The following CNTLN variants were observed in gnomAD, a reference collection of about 807,000 sequenced individuals.
CNTLN encodes centlein, also known as centlein, centrosomal protein.
In CNTLN, 212 loss-of-function variants were observed where a neutral mutation model predicts 180.0. The observed-to-expected ratio is 1.18, with a 90% confidence interval of 1.05 to 1.32. The LOEUF (loss-of-function observed/expected upper bound fraction) is 1.32. Among genes scored for constraint, CNTLN ranks in the 40% most tolerant of loss-of-function variants. The pLI, the probability that CNTLN is intolerant of heterozygous loss-of-function variation, is 0.00. For missense variants in CNTLN, 2,095 were observed against 1,610.9 expected, an observed-to-expected ratio of 1.30 and a Z score of -5.14; for synonymous variants, 722 against 563.1, an observed-to-expected ratio of 1.28 and a Z score of -3.99.
chr9:17,456,804 A>T (rs1831148400), intron 18 of CNTLN, among the ~76,000 whole-genome samples: 1 of 152,138 alleles, frequency 6.6e-6, no homozygotes, highest in Non-Finnish European at 1.5e-5. Flanking sequence ...TCTGCTCACT[A>T]TAGATGGGTG....
intron 2 of CNTLN, among the ~76,000 whole-genome samples, chr9:17,219,393 T>TA (rs1823983442): frequency 6.6e-6 from 1 of 152,094 alleles, no homozygotes; most frequent in African/African-American, 2.4e-5. Flanking sequence ...GTATTCCTGT[T>TA]ACAGCACCAT....
chr9:17,500,894 A>G (rs1259933691), intron 25 of CNTLN, among the ~76,000 whole-genome samples: 1 of 152,224 alleles, frequency 6.6e-6, no homozygotes, highest in Non-Finnish European at 1.5e-5. Flanking sequence ...TTTTATTTGT[A>G]AAACTGGCAT....
Position 17,484,379 on chromosome 9 carries a change from G to T in CNTLN, c.3940G>T (p.Ala1314Ser). ...ELKKMKKNRD[A>S]CKTSTHKAQT... Reference sequence around the variant, plus strand: ...TAAAAAAATGAAGAAAAACAGGGACGCCTGTAAAACCTCAACCCATAAAGC... The same window carrying T: ...TAAAAAAATGAAGAAAAACAGGGACTCCTGTAAAACCTCAACCCATAAAGC... The change falls in exon 24 of 26, where the codon GCC becomes TCC. Residue 1314 changes from alanine to serine, a missense_variant. Physicochemically the swap from Ala to Ser is moderately conservative, Grantham distance 99. Transcript: ENST00000380647. 1 of 1,612,596 alleles carries T rather than the reference G, an allele frequency of 6.2e-7. No homozygotes were observed. The highest frequency in any genetic ancestry group is 8.5e-7 in the Non-Finnish European group (1 of 1,179,412).
At chr9:17,453,881 CCTT>C (rs1830953621) in intron 18 of CNTLN, among the ~76,000 whole-genome samples, 1 of 152,146 alleles carries the variant, frequency 6.6e-6, no homozygotes, top group Non-Finnish European at 1.5e-5. Flanking sequence ...ATGCCTCTGG[CCTT>C]CTTTGAAAGG....
At chr9:17,140,736 C>G (rs1307114715) in intron 1 of CNTLN, among the ~76,000 whole-genome samples, 1 of 152,040 alleles carries the variant, frequency 6.6e-6, no homozygotes, top group Non-Finnish European at 1.5e-5. Context: ...ACTGTGCTCG[C>G]CCTAATGGTT....
intron 2 of CNTLN, among the ~76,000 whole-genome samples, chr9:17,185,538 ACTTTTTTTTCTT>A (rs1341195761): frequency 6.6e-6 from 1 of 152,004 alleles, no homozygotes; most frequent in Non-Finnish European, 1.5e-5. Flanking sequence ...CTTTTAGTTT[ACTTTTTTTTCTT>A]CTAGTTTACT....
chr9:17,228,014 GA>G (rs1179695308), intron 3 of CNTLN, among the ~76,000 whole-genome samples: 1 of 151,920 alleles, frequency 6.6e-6, no homozygotes, highest in Admixed American at 6.6e-5. Flanking sequence ...CATTTTACTG[GA>G]AAAAAATTTG....
intron 2 of CNTLN, among the ~76,000 whole-genome samples, chr9:17,156,933 T>C (rs1391646262): frequency 6.6e-6 from 1 of 152,208 alleles, no homozygotes; most frequent in Non-Finnish European, 1.5e-5. Context: ...TTAATGTTGC[T>C]AGGTACAAAG....
rs1052838824 is a variant in CNTLN at position 17,301,515 on chromosome 9, T to G, written c.1146+3163T>G. 8.1e-6 allele frequency: 8 copies of G among 984,944 alleles called. No homozygotes were observed. The African/African-American group carries it at 1.4e-4, about 17-fold the overall frequency. 61.0% of individuals were successfully genotyped at this position (984,944 alleles called of 1,614,324 possible). A position where few individuals can be genotyped will look rare whatever the true frequency, so the allele number is the denominator to read the frequency against. On this transcript the variant is annotated intron_variant, in intron 7 of 25. Transcript: ENST00000380647. ...TCTTTCTCTAGATTGAATATCATTT[T>G]TCTTTTATTTTTGTTTCTCAGAGAT...
At chr9:17,269,850 A>C (rs1827805859) in intron 5 of CNTLN, among the ~76,000 whole-genome samples, 2 of 152,176 alleles carry the variant, frequency 1.3e-5, no homozygotes, top group South Asian at 4.1e-4. Flanking sequence ...ATATTGTAAT[A>C]AAGTGAGTTA....
chr9:17,147,690 T>C (rs1818550221), intron 2 of CNTLN, among the ~76,000 whole-genome samples: 2 of 152,198 alleles, frequency 1.3e-5, no homozygotes, highest in Admixed American at 6.5e-5. Context: ...CAGTGTTGTG[T>C]TGTTAGCTCA....
intron 5 of CNTLN, among the ~76,000 whole-genome samples, chr9:17,268,453 G>C (rs10962980): frequency 2.6e-5 from 4 of 152,118 alleles, no homozygotes; most frequent in African/African-American, 4.8e-5. Flanking sequence ...TGCCCCTACT[G>C]GGGGGTGCCT....
chr9:17,473,681 A>T (rs2134250648), intron 23 of CNTLN, among the ~76,000 whole-genome samples: 1 of 151,806 alleles, frequency 6.6e-6, no homozygotes, highest in African/African-American at 2.4e-5. Context: ...TCTTTTATGT[A>T]GCAAAACACC....
chr9:17,231,339 A>C (rs1824799230), intron 3 of CNTLN, among the ~76,000 whole-genome samples: 1 of 151,938 alleles, frequency 6.6e-6, no homozygotes, highest in Non-Finnish European at 1.5e-5. Flanking sequence ...AGAAAGTTAC[A>C]CACACACACA....
At chr9:17,344,061 T>C (rs950613419) in intron 12 of CNTLN, among the ~76,000 whole-genome samples, 5 of 152,196 alleles carry the variant, frequency 3.3e-5, no homozygotes, top group Non-Finnish European at 7.3e-5. Flanking sequence ...AAAAAGAAAG[T>C]AATTTTGAAT....
intron 2 of CNTLN, among the ~76,000 whole-genome samples, chr9:17,166,495 A>G (rs1304586822): frequency 6.6e-6 from 1 of 152,228 alleles, no homozygotes; most frequent in Non-Finnish European, 1.5e-5. Flanking sequence ...TTTAGGATTG[A>G]AAGCATCCAT....
chr9:17,270,593 A>C (rs893250726), intron 5 of CNTLN, among the ~76,000 whole-genome samples: 2 of 152,156 alleles, frequency 1.3e-5, no homozygotes, highest in East Asian at 3.9e-4. Flanking sequence ...CGTGGATAAC[A>C]GGTCATTTCA....
In CNTLN at chr9:17,312,351, ATATATATATATAT is replaced by A. The variant is rs1382207957; in HGVS notation, c.1341+3113_1341+3125del. 1.6e-3 allele frequency among the ~76,000 whole-genome samples: 25 copies of A among 15,200 alleles called. 1 individual carries two copies. Among genetic ancestry groups the A allele is most frequent in the Admixed American group, 5.6e-3 (6 of 1,068 alleles). 10.0% of individuals were successfully genotyped at this position (15,200 alleles called of 152,430 possible). A position where few individuals can be genotyped will look rare whatever the true frequency, so the allele number is the denominator to read the frequency against. ...CGATAAGATTACTGTATTTATATAT[ATATATATATATAT>A]TATATATATATATATATATAATTTA... On this transcript the variant is annotated intron_variant, in intron 8 of 25. Coordinates refer to ENST00000380647, the MANE Select transcript of CNTLN (RefSeq NM_017738.4).
At chr9:17,284,468 T>A (rs564769289) in intron 6 of CNTLN, among the ~76,000 whole-genome samples, 1 of 152,166 alleles carries the variant, frequency 6.6e-6, no homozygotes, top group Non-Finnish European at 1.5e-5. Flanking sequence ...GGATTTAGCT[T>A]CTCCCTGGCT....
Sources: allele counts gnomAD v4.1 joint callset (sites outside exome capture counted in the v4.1 genomes callset), GRCh38; gene constraint gnomAD v4.1.1; transcripts MANE v1.5; gene names NCBI Gene and HGNC (gene_info 2026-07-23, HGNC 2026-07-21).